Variants in CBLIF observed in about 807,000 individuals in gnomAD.
The protein encoded by CBLIF is gastric intrinsic factor (vitamin B synthesis).
A neutral mutation model predicts 44.9 loss-of-function variants in CBLIF; 24 were observed. That is an observed-to-expected ratio of 0.53 (90% confidence interval 0.39 to 0.75). The LOEUF (loss-of-function observed/expected upper bound fraction) is 0.75. Among genes scored for constraint, CBLIF ranks in the 30% least tolerant of loss-of-function variants. CBLIF has a pLI of 0.00. For missense variants in CBLIF, 481 were observed against 513.0 expected (o/e 0.94, Z 0.60); for synonymous variants, 183 against 190.9 (o/e 0.96, Z 0.34).
intron 1 of CBLIF, among the ~76,000 whole-genome samples, 192 bp from the exon 2 acceptor site, chr11:59,844,247 C>T (rs1179074242): frequency 6.6e-6 from 1 of 152,146 alleles, no homozygotes; most frequent in African/African-American, 2.4e-5. Context: ...AAGTGATTCT[C>T]CTGCCTCAGC....
chr11:59,832,576 C>T (rs1327235149), intron 7 of CBLIF, among the ~76,000 whole-genome samples: 7 of 151,808 alleles, frequency 4.6e-5, no homozygotes, highest in Non-Finnish European at 7.4e-5. Flanking sequence ...TTGCTTGAGC[C>T]CAGGAGTTCG....
rs1260736139 is a variant in CBLIF at position 59,837,365 on chromosome 11, C to T, written c.694-14G>A. On this transcript the variant is annotated splice_polypyrimidine_tract_variant and intron_variant, in intron 5 of 8. Transcript: ENST00000257248. Reference sequence around the variant, plus strand: ...TACAGAGAGAGCCTGGGAAGGAAGACAGAAAGAGAGAGAAAGAGTAATTAG... The same window carrying T: ...TACAGAGAGAGCCTGGGAAGGAAGATAGAAAGAGAGAGAAAGAGTAATTAG... The T allele has an allele frequency of 2.5e-6, 4 of 1,603,654 alleles. No homozygotes were observed. The South Asian group carries it at 3.3e-5, about 13-fold the overall frequency.
chr11:59,831,741 C>T lies in CBLIF; in HGVS notation c.1129G>A (p.Ala377Thr), dbSNP rs139918773. ...GLVVSSINNIAENVNHKTYWQ... is the reference protein window; with the variant it reads ...GLVVSSINNITENVNHKTYWQ... ...TATGTCTTGTGATTAACATTTTCCG[C>T]GATATTGTTGATAGAAGAGACGACA... is the stretch of plus-strand genomic sequence containing the variant. Residue 377 changes from alanine (A) to threonine (T), a missense_variant, in exon 8 of 9, where the codon GCG (alanine) becomes ACG (threonine). Coordinates refer to ENST00000257248, the MANE Select transcript of CBLIF (RefSeq NM_005142.3). 460 of 1,609,238 alleles carry T rather than the reference C, an allele frequency of 2.9e-4. 1 individual carries two copies. The highest frequency in any genetic ancestry group is 3.5e-4 in the Non-Finnish European group (411 of 1,175,788).
chr11:59,835,747 T>TA, intron 7 of CBLIF, 61 bp downstream of exon 7: 1 of 1,331,100 alleles, frequency 7.5e-7, no homozygotes, highest in Non-Finnish European at 1.1e-6. Flanking sequence ...ACAGGATGGA[T>TA]AAAAAATGGG....
chr11:59,841,394 G>GC, intron 4 of CBLIF, 70 bp from the exon 5 acceptor site: 1 of 1,058,338 alleles, frequency 9.4e-7, no homozygotes, highest in Non-Finnish European at 1.5e-6. Context: ...AACATTTATT[G>GC]TGTGCTTATT....
chr11:59,842,410 G>T (rs1399651081), intron 4 of CBLIF, 33 bp downstream of exon 4: 1 of 1,611,516 alleles, frequency 6.2e-7, no homozygotes, highest in Non-Finnish European at 8.5e-7. Context: ...TGCCTCTGAT[G>T]TTCCCAGCTC....
At chr11:59,836,883 T>C (rs1276753540) in intron 6 of CBLIF, among the ~76,000 whole-genome samples, 1 of 152,264 alleles carries the variant, frequency 6.6e-6, no homozygotes, top group Non-Finnish European at 1.5e-5. Flanking sequence ...ATATGTTGTT[T>C]GATAGCTGGG....
chr11:59,834,280 CTTTCTTTCTTTCTTTCTTTCTTTCTTT>C (rs1565207445), intron 7 of CBLIF, among the ~76,000 whole-genome samples: 2 of 135,630 alleles, frequency 1.5e-5, no homozygotes, highest in African/African-American at 5.6e-5. Context: ...TTCTTTCTTT[CTTTCTTTCTTTCTTTCTTTCTTTCTTT>C]CTTTCTTCCT....
intron 3 of CBLIF, 84 bp downstream of exon 3, chr11:59,842,944 C>A: frequency 1.2e-6 from 1 of 859,600 alleles, no homozygotes; most frequent in African/African-American, 1.6e-5. Flanking sequence ...TTTCTCTCCA[C>A]CCCCACCCTT....
intron 5 of CBLIF, among the ~76,000 whole-genome samples, chr11:59,838,163 AT>A (rs113467307): frequency 0.018 from 2,813 of 152,076 alleles, 85 homozygotes; most frequent in African/African-American, 0.063. Flanking sequence ...GTAAATCCTC[AT>A]TTTTTTCTTG....
At chr11:59,834,052 G>A (rs1237380797) in intron 7 of CBLIF, among the ~76,000 whole-genome samples, 1 of 152,120 alleles carries the variant, frequency 6.6e-6, no homozygotes. Flanking sequence ...TGTAAAATGA[G>A]AATAACTAAA....
rs371437519 is a variant in CBLIF, at chr11:59,845,470, T to C, written c.-17A>G. ...CCAGGCCATCTCACTCTCTCGTCTA[T>C]GTCTCTCATCCACAGGTACCGCGAT... On this transcript the variant is annotated 5_prime_UTR_variant, in exon 1 of 9. Transcript: ENST00000257248. 7.1e-6 allele frequency: 11 copies of C among 1,548,634 alleles called. No homozygotes were observed. The highest frequency in any genetic ancestry group is 1.4e-5 in the African/African-American group (1 of 73,710).
chr11:59,836,656 T>C (rs1239090280), intron 6 of CBLIF, among the ~76,000 whole-genome samples: 1 of 152,220 alleles, frequency 6.6e-6, no homozygotes, highest in African/African-American at 2.4e-5. Context: ...AATTCTGTTC[T>C]TCTCTGAAGC....
rs375309032 is a variant in CBLIF, at chr11:59,843,110, G to T, written c.288C>A (p.Ile96=). ...DLTIGQLGLT[I]MALTSSCRDP... is the part of the protein sequence containing the mutation. Reference sequence around the variant, plus strand: ...CTCGGCAGGAGGAGGTGAGGGCCATGATGGTGAGGCCGAGCTGCCCAATGG... The same window carrying T: ...CTCGGCAGGAGGAGGTGAGGGCCATTATGGTGAGGCCGAGCTGCCCAATGG... The change falls in exon 3 of 9, where the codon ATC becomes ATA. Residue 96 remains isoleucine, a synonymous_variant. Transcript: ENST00000257248. 46 of 1,613,488 alleles carry T rather than the reference G, an allele frequency of 2.9e-5. No homozygotes were observed. In the African/African-American group the frequency reaches 6.0e-4, roughly 21 times the overall value.
At chr11:59,834,087 C>T (rs1207237130) in intron 7 of CBLIF, among the ~76,000 whole-genome samples, 2 of 152,120 alleles carry the variant, frequency 1.3e-5, no homozygotes, top group Non-Finnish European at 2.9e-5. Context: ...TTATTGGGTG[C>T]AAGTATCTGC....
chr11:59,844,323 A>G (rs1297878881), intron 1 of CBLIF, among the ~76,000 whole-genome samples: 2 of 151,986 alleles, frequency 1.3e-5, no homozygotes, highest in Non-Finnish European at 2.9e-5. Flanking sequence ...TTTTTAGTAG[A>G]GATGGGGTTT....
At chr11:59,838,879 C>T (rs1479338227) in intron 5 of CBLIF, among the ~76,000 whole-genome samples, 7 of 135,470 alleles carry the variant, frequency 5.2e-5, no homozygotes, top group East Asian at 2.1e-4. Flanking sequence ...GATGGAGTCT[C>T]GCTGTGATGC....
At chr11:59,840,986 A>G in intron 5 of CBLIF, 157 bp downstream of exon 5, 1 of 699,262 alleles carries the variant, frequency 1.4e-6, no homozygotes, top group Non-Finnish European at 2.6e-6. Flanking sequence ...CCTGCATTTT[A>G]CCAGTAGAGA....
intron 5 of CBLIF, 72 bp downstream of exon 5, chr11:59,841,071 G>T: frequency 1.9e-6 from 2 of 1,072,890 alleles, no homozygotes; most frequent in South Asian, 1.3e-5. Flanking sequence ...GTTAGTAGAA[G>T]CCTGGCCTCT....
Sources: gnomAD v4.1 joint callset for allele counts (sites outside exome capture counted in the v4.1 genomes callset) on GRCh38, gnomAD v4.1.1 for gene constraint, MANE v1.5 for transcripts, NCBI Gene and HGNC (gene_info 2026-07-23, HGNC 2026-07-21) for gene names.